The following GRIN2A variants were observed in gnomAD, a reference collection of about 807,000 sequenced individuals.
GRIN2A encodes glutamate ionotropic receptor NMDA type subunit 2A.
GRIN2A carries 22 observed loss-of-function variants against 113.4 expected under a neutral mutation model. The ratio of observed to expected loss-of-function variants is 0.19; its 90% CI spans 0.14 to 0.28. GRIN2A has a LOEUF of 0.28. Among genes scored for constraint, GRIN2A ranks in the 10% least tolerant of loss-of-function variants. GRIN2A has a pLI of 1.00. For missense variants in GRIN2A, 1,502 were observed against 1,887.0 expected (o/e 0.80, Z 3.78); for synonymous variants, 827 against 738.4 (o/e 1.12, Z -1.94).
intron 2 of GRIN2A, among the ~76,000 whole-genome samples, chr16:10,103,803 T>G (rs368957558): frequency 1.3e-5 from 2 of 152,180 alleles, no homozygotes; most frequent in Admixed American, 1.3e-4. Context: ...CTTCTTCCCT[T>G]AGATTCTAGA....
chr16:9,904,998 T>C (rs1028110094), intron 3 of GRIN2A, among the ~76,000 whole-genome samples: 4 of 152,168 alleles, frequency 2.6e-5, no homozygotes, highest in African/African-American at 9.7e-5. Context: ...AAACCATAAA[T>C]TATGGACCAC....
chr16:9,979,702 A>T (rs1271002668), intron 2 of GRIN2A, among the ~76,000 whole-genome samples: 1 of 151,640 alleles, frequency 6.6e-6, no homozygotes, highest in Non-Finnish European at 1.5e-5. Context: ...GCATTTAAGC[A>T]TTTAATATTC....
chr16:10,109,563 C>T lies in GRIN2A; in HGVS notation c.414+70435G>A, dbSNP rs536753911. ...TAGAAAAATGTAACAAAAGGCAATG[C>T]ATTATAACCAAGTACGTTCACACCA... is the stretch of plus-strand genomic sequence containing the variant. On this transcript the variant is annotated intron_variant, in intron 2 of 12. Coordinates refer to ENST00000330684, the MANE Select transcript of GRIN2A (RefSeq NM_001134407.3). Among the ~76,000 whole-genome samples the T allele has an allele frequency of 3.3e-5, 5 of 149,996 alleles. No homozygotes were observed. In the East Asian group the frequency reaches 7.9e-4, roughly 24 times the overall value.
chr16:9,886,320 T>A (rs963414065), intron 4 of GRIN2A, among the ~76,000 whole-genome samples: 3 of 152,080 alleles, frequency 2.0e-5, no homozygotes, highest in Admixed American at 6.5e-5. Flanking sequence ...AAAATCAGGA[T>A]TTGAAAGATG....
rs766598240 is a variant in GRIN2A, at chr16:9,763,448, G to C, written c.4096C>G (p.Pro1366Ala). The C allele has an allele frequency of 6.2e-7, 1 of 1,613,952 alleles. No homozygotes were observed. The highest frequency in any genetic ancestry group is 8.5e-7 in the Non-Finnish European group (1 of 1,179,896). Reference sequence around the variant, plus strand: ...TCATCCCTGTGGGAGTGGAGGAAAGGGTTATCGGAGGTGTGGTCTGGCAAG... The same window carrying C: ...TCATCCCTGTGGGAGTGGAGGAAAGCGTTATCGGAGGTGTGGTCTGGCAAG... Reference protein sequence around the residue: ...SLLPDHTSDNPFLHSHRDDQR... With the variant: ...SLLPDHTSDNAFLHSHRDDQR... Residue 1366 changes from proline (P) to alanine (A), a missense_variant, in exon 13 of 13, where the codon CCT becomes GCT. By Grantham distance (27) the Pro-to-Ala change is conservative. This residue lies in a region of GRIN2A where 832 missense variants were observed against 789.7 expected (regional missense o/e 1.05). Coordinates refer to ENST00000330684, the MANE Select transcript of GRIN2A (RefSeq NM_001134407.3).
chr16:9,970,765 A>T lies in GRIN2A; in HGVS notation c.415-32214T>A, dbSNP rs528556243. The stretch of plus-strand genomic sequence containing the variant: ...TACCTTAAGAAAATTACAGGCTGGT[A>T]AACTCTCAACAGGAGAAATATTGGA... On this transcript the variant is annotated intron_variant, in intron 2 of 12. Coordinates refer to ENST00000330684, the MANE Select transcript of GRIN2A (RefSeq NM_001134407.3). 520 of 965,458 alleles carry T rather than the reference A, an allele frequency of 5.4e-4. 3 individuals carry two copies. In the African/African-American group the frequency reaches 8.6e-3, roughly 16 times the overall value. 59.8% of individuals were successfully genotyped at this position (965,458 alleles called of 1,614,324 possible). A position where few individuals can be genotyped will look rare whatever the true frequency, so the allele number is the denominator to read the frequency against.
chr16:9,918,759 C>A (rs1421139645), intron 3 of GRIN2A, among the ~76,000 whole-genome samples: 1 of 151,764 alleles, frequency 6.6e-6, no homozygotes, highest in Non-Finnish European at 1.5e-5. Flanking sequence ...AATACATCAA[C>A]TAATTAACAT....
At position 9,877,316 on chromosome 16, in the gene GRIN2A, T is replaced by A. The variant is rs1032997244; in HGVS notation, c.1122+13670A>T. Among the ~76,000 whole-genome samples the A allele has an allele frequency of 2.0e-5, 3 of 152,302 alleles. No individual in the cohort carries two copies. In the South Asian group the frequency reaches 6.2e-4, roughly 32 times the overall value. On this transcript the variant is annotated intron_variant, in intron 4 of 12. Coordinates refer to ENST00000330684, the MANE Select transcript of GRIN2A (RefSeq NM_001134407.3). ...ATTTACGTCATATTCAGACAACTAC[T>A]ACAGTCAATCTCCTTCCTCTACTTG...
chr16:10,013,711 C>T (rs2141875616), intron 2 of GRIN2A, among the ~76,000 whole-genome samples: 1 of 152,354 alleles, frequency 6.6e-6, no homozygotes, highest in Non-Finnish European at 1.5e-5. Context: ...ACCATGACCA[C>T]TGAAGTGTTT....
intron 2 of GRIN2A, among the ~76,000 whole-genome samples, chr16:10,128,657 G>C (rs1424028081): frequency 6.6e-6 from 1 of 152,124 alleles, no homozygotes; most frequent in Admixed American, 6.6e-5. Context: ...ACAGATGACT[G>C]GGCAAAAATA....
intron 2 of GRIN2A, among the ~76,000 whole-genome samples, chr16:10,053,765 G>C (rs1002169892): frequency 9.9e-5 from 15 of 152,180 alleles, no homozygotes; most frequent in Admixed American, 9.8e-4. Context: ...ATCGTGGTTT[G>C]TAATGGCAAG....
intron 2 of GRIN2A, among the ~76,000 whole-genome samples, chr16:10,050,664 T>G (rs2047343062): frequency 1.3e-5 from 2 of 152,222 alleles, no homozygotes; most frequent in South Asian, 2.1e-4. Context: ...TATATTATAA[T>G]GTAATAATAG....
At chr16:9,859,264 C>A (rs2043021010) in intron 4 of GRIN2A, among the ~76,000 whole-genome samples, 1 of 151,810 alleles carries the variant, frequency 6.6e-6, no homozygotes, top group Non-Finnish European at 1.5e-5. Flanking sequence ...TGGAAAAATT[C>A]ATAATAGAGA....
chr16:9,758,969 A>C lies in GRIN2A; in HGVS notation c.*4180T>G, dbSNP rs1900467895. On this transcript the variant is annotated 3_prime_UTR_variant, in exon 13 of 13. Transcript: ENST00000330684. The stretch of plus-strand genomic sequence containing the variant: ...ACACATTTAGCTTCCACCTACTCAA[A>C]CTTCTTTTTCTTTGAGTCCAATCAT... 2 of 222,070 alleles carry C rather than the reference A, an allele frequency of 9.0e-6. No homozygotes were observed. Among genetic ancestry groups the C allele is most frequent in the Non-Finnish European group, 1.8e-5 (2 of 111,228 alleles). The allele number at this position is 222,070 out of a possible 1,614,324, so 13.8% of individuals were successfully genotyped here.
intron 2 of GRIN2A, among the ~76,000 whole-genome samples, chr16:10,080,385 A>G (rs2047955519): frequency 6.6e-6 from 1 of 152,192 alleles, no homozygotes; most frequent in African/African-American, 2.4e-5. Context: ...TTTTGCAGAA[A>G]GCGAAGGTGG....
intron 4 of GRIN2A, among the ~76,000 whole-genome samples, chr16:9,850,605 T>A (rs1402865607): frequency 2.0e-5 from 3 of 149,884 alleles, no homozygotes; most frequent in African/African-American, 7.4e-5. Flanking sequence ...AGAAGAGGAG[T>A]GGGGGTTGAG....
intron 2 of GRIN2A, among the ~76,000 whole-genome samples, chr16:9,961,182 A>G (rs1261607711): frequency 3.3e-5 from 5 of 152,182 alleles, no homozygotes; most frequent in African/African-American, 4.8e-5. Flanking sequence ...CCATGTACCA[A>G]GAACTACTAT....
rs139805584 is a variant in GRIN2A at position 10,154,738 on chromosome 16, C to T, written c.414+25260G>A. Among the ~76,000 whole-genome samples the T allele has an allele frequency of 9.2e-5, 14 of 152,310 alleles. No homozygotes were observed. The East Asian group carries it at 2.7e-3, about 29-fold the overall frequency. ...TGTGGGGGACAGCAGTCCAAGGTTT[C>T]TCAGAGGGCATGGCTTCTGAGATGA... On this transcript the variant is annotated intron_variant, in intron 2 of 12. Coordinates refer to ENST00000330684, the MANE Select transcript of GRIN2A (RefSeq NM_001134407.3).
chr16:9,911,844 C>T (rs1051653064), intron 3 of GRIN2A, among the ~76,000 whole-genome samples: 1 of 152,148 alleles, frequency 6.6e-6, no homozygotes, highest in Non-Finnish European at 1.5e-5. Context: ...GTTTCTATGA[C>T]TTATTTAAGT....
Sources: allele counts gnomAD v4.1 joint callset (sites outside exome capture counted in the v4.1 genomes callset), GRCh38; gene constraint gnomAD v4.1.1; regional missense constraint gnomAD v4.1.1; transcripts MANE v1.5; gene names NCBI Gene and HGNC (gene_info 2026-07-23, HGNC 2026-07-21).